Variants in RCC2 observed in about 807,000 individuals in gnomAD.
RCC2 encodes protein RCC2.
Under a neutral mutation model 64.1 loss-of-function variants are expected in RCC2, and 19 were observed. The observed-to-expected ratio is 0.30, with a 90% confidence interval of 0.21 to 0.44. The LOEUF (loss-of-function observed/expected upper bound fraction) is 0.44. Ranked by LOEUF, RCC2 falls within the 20% of genes least tolerant of loss-of-function variation. The pLI, the probability that RCC2 is intolerant of heterozygous loss-of-function variation, is 1.00. For synonymous variants in RCC2, 325 were observed against 279.6 expected, an observed-to-expected ratio of 1.16 and a Z score of -1.62; for missense variants, 508 against 710.4, an observed-to-expected ratio of 0.72 and a Z score of 3.24.
intron 2 of RCC2, among the ~76,000 whole-genome samples, chr1:17,429,943 C>T (rs1254946436): frequency 6.6e-6 from 1 of 152,190 alleles, no homozygotes; most frequent in Non-Finnish European, 1.5e-5. Context: ...TCAGGGCCAC[C>T]AACTCTCATA....
chr1:17,431,236 AG>A lies in RCC2; in HGVS notation c.286-2038del. ...GTAGTCCCAGCTACTCGGGAGGCTG[AG>A]GCAGGAGATTGGTGTGAACCCAGGA... On this transcript the variant is annotated intron_variant, in intron 2 of 12. Coordinates refer to ENST00000375436, the MANE Select transcript of RCC2 (RefSeq NM_018715.4). 2.1e-5 allele frequency among the ~76,000 whole-genome samples: 3 copies of A among 143,846 alleles called. No individual in the cohort carries two copies. The Admixed American group carries it at 2.1e-4, about 10-fold the overall frequency. 94.4% of individuals were successfully genotyped at this position (143,846 alleles called of 152,430 possible).
intron 8 of RCC2, 30 bp downstream of exon 8, chr1:17,416,448 ACT>A (rs2075486217): frequency 1.3e-6 from 2 of 1,585,394 alleles, no homozygotes; most frequent in Non-Finnish European, 1.7e-6. Flanking sequence ...TCCTGGTGCG[ACT>A]CTCAGGAAGT....
chr1:17,412,680 G>A (rs1470307004), intron 10 of RCC2, among the ~76,000 whole-genome samples: 1 of 152,252 alleles, frequency 6.6e-6, no homozygotes, highest in African/African-American at 2.4e-5. Context: ...CTCAACAGGT[G>A]TCCTGAAATG....
At chr1:17,429,746 A>G (rs2075654899) in intron 2 of RCC2, among the ~76,000 whole-genome samples, 1 of 152,138 alleles carries the variant, frequency 6.6e-6, no homozygotes, top group Non-Finnish European at 1.5e-5. Flanking sequence ...GGCAGAACAC[A>G]GCTTTGGTGG....
In RCC2 at chr1:17,407,560, G is replaced by T. The variant is rs2075375711; in HGVS notation, c.*1530C>A. 1 of 152,580 alleles carries T rather than the reference G, an allele frequency of 6.6e-6. No individual in the cohort carries two copies. 9.5% of individuals were successfully genotyped at this position (152,580 alleles called of 1,614,324 possible). A position where few individuals can be genotyped will look rare whatever the true frequency, so the allele number is the denominator to read the frequency against. On this transcript the variant is annotated 3_prime_UTR_variant, in exon 13 of 13. Transcript: ENST00000375436. ...CCAGTCTCCTCCCACAGGGCCTTGG[G>T]ACTGGCAGGACAGACACTGCTACAT... is the stretch of plus-strand genomic sequence containing the variant.
chr1:17,410,605 C>T (rs2075414074), intron 11 of RCC2, among the ~76,000 whole-genome samples: 1 of 152,166 alleles, frequency 6.6e-6, no homozygotes, highest in South Asian at 2.1e-4. Context: ...GAGTCTTGTG[C>T]AAAGGTGTGG....
chr1:17,427,447 G>A (rs1334151336), intron 3 of RCC2, among the ~76,000 whole-genome samples: 1 of 152,170 alleles, frequency 6.6e-6, no homozygotes, highest in Admixed American at 6.5e-5. Context: ...AAAAATAAAA[G>A]CCTCATGGTC....
Position 17,422,849 on chromosome 1 carries a change from T to A in RCC2, c.524-13A>T. ...TTCTCATTTCGACCTGCAGATCACA[T>A]GAGAGAAAGTAGAAAAGAGAGAGGG... On this transcript the variant is annotated splice_polypyrimidine_tract_variant and intron_variant, in intron 4 of 12. Transcript: ENST00000375436. The A allele has an allele frequency of 6.2e-7, 1 of 1,613,094 alleles. No homozygotes were observed. The highest frequency in any genetic ancestry group is 8.5e-7 in the Non-Finnish European group (1 of 1,179,472).
chr1:17,410,376 A>C (rs2075411402), intron 11 of RCC2, among the ~76,000 whole-genome samples: 1 of 152,234 alleles, frequency 6.6e-6, no homozygotes, highest in Admixed American at 6.5e-5. Flanking sequence ...GAGTGCAGGA[A>C]GAATGGCAAC....
chr1:17,422,589 T>A (rs2075567301), intron 5 of RCC2, 116 bp downstream of exon 5: 11 of 1,386,456 alleles, frequency 7.9e-6, no homozygotes, highest in Non-Finnish European at 9.8e-6. Flanking sequence ...CAGGGCCTCT[T>A]TCTGATCCTG....
intron 6 of RCC2, among the ~76,000 whole-genome samples, chr1:17,421,223 T>C (rs530984485): frequency 1.3e-5 from 2 of 152,192 alleles, no homozygotes; most frequent in East Asian, 3.9e-4. Context: ...ACTGCCTATC[T>C]CCTGGGCGCG....
At chr1:17,432,609 G>C (rs1199117527) in intron 2 of RCC2, among the ~76,000 whole-genome samples, 1 of 152,208 alleles carries the variant, frequency 6.6e-6, no homozygotes, top group Non-Finnish European at 1.5e-5. Flanking sequence ...GGCCACACCA[G>C]AAGCCTCAGC....
At chr1:17,434,834 G>A (rs879912191) in intron 2 of RCC2, among the ~76,000 whole-genome samples, 1 of 152,226 alleles carries the variant, frequency 6.6e-6, no homozygotes, top group African/African-American at 2.4e-5. Context: ...GTTGGGAGGC[G>A]GGGCGTGGTG....
intron 8 of RCC2, among the ~76,000 whole-genome samples, chr1:17,415,540 A>T (rs1343540299): frequency 3.3e-5 from 5 of 150,796 alleles, no homozygotes; most frequent in Admixed American, 3.3e-4. Context: ...GTGAAACCCC[A>T]TCTCTACTAA....
At chr1:17,422,884 C>A in intron 4 of RCC2, 48 bp from the exon 5 acceptor site, 5 of 1,611,472 alleles carry the variant, frequency 3.1e-6, no homozygotes, top group Non-Finnish European at 4.2e-6. Flanking sequence ...GTGGTCCAGG[C>A]GGCACCACCA....
intron 7 of RCC2, among the ~76,000 whole-genome samples, chr1:17,420,185 G>A (rs1211644000): frequency 6.6e-6 from 1 of 152,218 alleles, no homozygotes; most frequent in Non-Finnish European, 1.5e-5. Context: ...CACTAACTGA[G>A]AACTGATGCC....
intron 1 of RCC2, 136 bp from the exon 2 acceptor site, chr1:17,438,658 G>A (rs1162193588): frequency 4.6e-6 from 4 of 874,880 alleles, no homozygotes; most frequent in Non-Finnish European, 6.0e-6. Context: ...GGTGGGCGGA[G>A]AGGGGGCGAG....
At chr1:17,429,662 G>A (rs914290593) in intron 2 of RCC2, among the ~76,000 whole-genome samples, 12 of 152,122 alleles carry the variant, frequency 7.9e-5, no homozygotes, top group Admixed American at 3.9e-4. Flanking sequence ...CCACTCTGCC[G>A]AGAGCCTTTC....
chr1:17,425,626 C>T lies in RCC2; in HGVS notation c.438G>A (p.Ala146=), dbSNP rs201930139. Residue 146 remains alanine (A), a synonymous_variant, in exon 4 of 13, where the codon GCG becomes GCA. Coordinates refer to ENST00000375436, the MANE Select transcript of RCC2 (RefSeq NM_018715.4). ...LWGPHRYGCL[A]GVRVRTVVSG... ...AGACCACTGTCCGCACCCGGACCCC[C>T]GCCAGGCACCCATATCTGTGGGGCC... 3.0e-5 allele frequency: 48 copies of T among 1,614,018 alleles called. No homozygotes were observed. Among genetic ancestry groups the T allele is most frequent in the Admixed American group, 6.7e-5 (4 of 60,010 alleles).
Sources: gnomAD v4.1 joint callset for allele counts (sites outside exome capture counted in the v4.1 genomes callset) on GRCh38, gnomAD v4.1.1 for gene constraint, MANE v1.5 for transcripts, NCBI Gene and HGNC (gene_info 2026-07-23, HGNC 2026-07-21) for gene names.